SGF29: variants seen among roughly 807,000 people sequenced by gnomAD.
The protein encoded by SGF29 is SAGA complex associated factor 29.
A neutral mutation model predicts 38.1 loss-of-function variants in SGF29; 15 were observed. That is an observed-to-expected ratio of 0.39 (90% CI 0.26 to 0.61). SGF29 has a LOEUF of 0.61. SGF29 is among the 20% of genes least tolerant of loss of function. The pLI, the probability that SGF29 is intolerant of heterozygous loss-of-function variation, is 0.49. For missense variants in SGF29, 184 were observed against 394.6 expected, an observed-to-expected ratio of 0.47 and a Z score of 4.52; for synonymous variants, 151 against 160.8, an observed-to-expected ratio of 0.94 and a Z score of 0.46.
intron 1 of SGF29, among the ~76,000 whole-genome samples, chr16:28,564,709 A>ATATATACG (rs2046821358): frequency 1.5e-5 from 1 of 66,350 alleles, no homozygotes; most frequent in African/African-American, 7.5e-5. Flanking sequence ...ATATATATAC[A>ATATATACG]TATATATGTA....
At chr16:28,555,476 A>C (rs1386571584) in intron 1 of SGF29, among the ~76,000 whole-genome samples, 3 of 152,132 alleles carry the variant, frequency 2.0e-5, no homozygotes, top group Non-Finnish European at 4.4e-5. Context: ...ACCCTGTCTC[A>C]AAAAAGAGTT....
At chr16:28,585,364 T>G in intron 3 of SGF29, 1 of 544,704 alleles carries the variant, frequency 1.8e-6, no homozygotes, top group Non-Finnish European at 3.3e-6. Flanking sequence ...ACTCTGAGAA[T>G]TGTGTTTTCC....
chr16:28,571,464 A>T (rs2046863958), intron 1 of SGF29, among the ~76,000 whole-genome samples: 2 of 151,952 alleles, frequency 1.3e-5, no homozygotes, highest in African/African-American at 2.4e-5. Flanking sequence ...GTGGTGGCAG[A>T]CACCTGTAAT....
intron 1 of SGF29, among the ~76,000 whole-genome samples, chr16:28,571,893 C>T (rs562416373): frequency 6.6e-5 from 10 of 152,320 alleles, no homozygotes; most frequent in South Asian, 4.1e-4. Flanking sequence ...CAGAGATTTC[C>T]GTTCTTGCCT....
chr16:28,564,770 TATGTATATATATATATAC>T (rs1567286225), intron 1 of SGF29, among the ~76,000 whole-genome samples: 701 of 39,922 alleles, frequency 0.018, 6 homozygotes, highest in Middle Eastern at 0.036. Context: ...TATGTATATA[TATGTATATATATATATAC>T]ACACACACAC....
intron 1 of SGF29, among the ~76,000 whole-genome samples, chr16:28,572,710 G>T (rs1008324666): frequency 2.0e-5 from 3 of 152,192 alleles, no homozygotes; most frequent in Non-Finnish European, 4.4e-5. Context: ...GGTAGGAGTG[G>T]GCAGGCAGCA....
chr16:28,585,058 C>A (rs962498548), intron 3 of SGF29, 70 bp downstream of exon 3: 2 of 1,185,714 alleles, frequency 1.7e-6, no homozygotes, highest in Non-Finnish European at 2.5e-6. Flanking sequence ...AGACTGTGAC[C>A]GAGGTGGTCA....
Position 28,584,897 on chromosome 16 carries a change from G to A in SGF29, c.76-16G>A. On this transcript the variant is annotated splice_polypyrimidine_tract_variant and intron_variant, in intron 2 of 9. Transcript: ENST00000317058. Reference sequence around the variant, plus strand: ...CAAAGGGCCACCGTCATGTCCTGCTGCTCTTTTCCTTACAGGAAGAGCGTT... The same window carrying A: ...CAAAGGGCCACCGTCATGTCCTGCTACTCTTTTCCTTACAGGAAGAGCGTT... 1 of 1,610,360 alleles carries A rather than the reference G, an allele frequency of 6.2e-7. No homozygotes were observed. The highest frequency in any genetic ancestry group is 1.1e-5 in the South Asian group (1 of 90,944).
chr16:28,554,141 G>T (rs2046728501), intron 1 of SGF29, 44 bp downstream of exon 1: 1 of 152,302 alleles, frequency 6.6e-6, no homozygotes, highest in Non-Finnish European at 1.5e-5. Flanking sequence ...GGCGAAACGC[G>T]GGAGCGAAGG....
At chr16:28,559,676 C>T (rs1026250533) in intron 1 of SGF29, among the ~76,000 whole-genome samples, 21 of 152,134 alleles carry the variant, frequency 1.4e-4, no homozygotes, top group Non-Finnish European at 2.9e-5. Flanking sequence ...GCACCCGGCC[C>T]ATTAAGCTGT....
rs1036548512 is a variant in SGF29 at position 28,589,027 on chromosome 16, C to T, written c.225-73C>T. ...CTGGGCAATGTAGCTTGACCCAAAA[C>T]AGAAAAAATGGAAGAGAAGTCTATG... On this transcript the variant is annotated intron_variant, in intron 4 of 9. Coordinates refer to ENST00000317058, the MANE Select transcript of SGF29 (RefSeq NM_138414.3). The T allele has an allele frequency of 5.1e-6, 8 of 1,560,368 alleles. No homozygotes were observed. In the African/African-American group the frequency reaches 1.1e-4, roughly 21 times the overall value.
chr16:28,583,204 A>C (rs1192367472), intron 2 of SGF29, among the ~76,000 whole-genome samples: 1 of 152,206 alleles, frequency 6.6e-6, no homozygotes, highest in African/African-American at 2.4e-5. Flanking sequence ...GTATGAGTAC[A>C]ATATTGGATT....
chr16:28,585,491 G>A (rs964003627), intron 3 of SGF29, 157 bp from the exon 4 acceptor site: 11 of 672,426 alleles, frequency 1.6e-5, no homozygotes, highest in Non-Finnish European at 2.7e-5. Flanking sequence ...TGGAGCCTGG[G>A]GGCATCCGCC....
intron 2 of SGF29, among the ~76,000 whole-genome samples, chr16:28,583,870 C>G (rs1232691757): frequency 6.6e-6 from 1 of 152,038 alleles, no homozygotes; most frequent in East Asian, 1.9e-4. Context: ...ATCTGGGTCC[C>G]GTGAATTTCC....
intron 1 of SGF29, among the ~76,000 whole-genome samples, chr16:28,566,245 G>T (rs1439981917): frequency 6.6e-6 from 1 of 150,854 alleles, no homozygotes; most frequent in Non-Finnish European, 1.5e-5. Flanking sequence ...CTGCACTCCA[G>T]CCTGGGCAAC....
At chr16:28,556,823 G>T (rs888145842) in intron 1 of SGF29, among the ~76,000 whole-genome samples, 1 of 151,858 alleles carries the variant, frequency 6.6e-6, no homozygotes, top group East Asian at 1.9e-4. Flanking sequence ...ATTTTATTTT[G>T]TTTTTGTAGA....
At chr16:28,564,079 G>C (rs1021682851) in intron 1 of SGF29, among the ~76,000 whole-genome samples, 11 of 152,084 alleles carry the variant, frequency 7.2e-5, no homozygotes, top group Non-Finnish European at 1.6e-4. Flanking sequence ...AACCACATGA[G>C]ACAGTGAGAC....
At chr16:28,575,774 A>C (rs2046888735) in intron 1 of SGF29, among the ~76,000 whole-genome samples, 1 of 152,218 alleles carries the variant, frequency 6.6e-6, no homozygotes, top group African/African-American at 2.4e-5. Flanking sequence ...AAGATACTCA[A>C]TGCCATTAAC....
chr16:28,573,221 T>TG (rs907412941), intron 1 of SGF29, among the ~76,000 whole-genome samples: 2 of 151,536 alleles, frequency 1.3e-5, no homozygotes, highest in Non-Finnish European at 2.9e-5. Context: ...GGTGAGGACC[T>TG]GGGGGGGTGT....
Sources: allele counts gnomAD v4.1 joint callset (sites outside exome capture counted in the v4.1 genomes callset), GRCh38; gene constraint gnomAD v4.1.1; transcripts MANE v1.5; gene names NCBI Gene and HGNC (gene_info 2026-07-23, HGNC 2026-07-21).